RORA: variants seen among roughly 807,000 people sequenced by gnomAD.
RORA encodes RAR related orphan receptor A, also known as nuclear receptor ROR-alpha.
A neutral mutation model predicts 69.5 loss-of-function variants in RORA; 7 were observed. The ratio of observed to expected loss-of-function variants is 0.10; its 90% CI spans 0.06 to 0.19. The LOEUF (loss-of-function observed/expected upper bound fraction) is 0.19, where lower values mean the gene tolerates loss of function less well. RORA is among the 10% of genes least tolerant of loss of function. The pLI is 1.00. For synonymous variants in RORA, 261 were observed against 240.8 expected (o/e 1.08, Z -0.78); for missense variants, 457 against 663.0 (o/e 0.69, Z 3.41).
At chr15:60,967,339 A>G (rs917431604) in intron 1 of RORA, among the ~76,000 whole-genome samples, 6 of 152,138 alleles carry the variant, frequency 3.9e-5, no homozygotes, top group Non-Finnish European at 7.4e-5. Flanking sequence ...CATTACCCCT[A>G]CCCCCAAATA....
intron 1 of RORA, among the ~76,000 whole-genome samples, chr15:61,090,805 T>C (rs538246924): frequency 3.7e-4 from 57 of 152,262 alleles, no homozygotes; most frequent in Non-Finnish European, 5.7e-4. Context: ...GCCACACTCA[T>C]TGTGATCTGC....
chr15:60,676,122 C>A (rs562114755), intron 2 of RORA, among the ~76,000 whole-genome samples: 1 of 151,866 alleles, frequency 6.6e-6, no homozygotes. Context: ...TAAAAAAAAA[C>A]GTATAGGCAA....
chr15:60,762,216 T>C lies in RORA; in HGVS notation c.167-83530A>G, dbSNP rs549334392. Among the ~76,000 whole-genome samples the C allele has an allele frequency of 2.2e-4, 33 of 152,244 alleles. No individual in the cohort carries two copies. In the South Asian group the frequency reaches 6.2e-3, roughly 29 times the overall value. On this transcript the variant is annotated intron_variant, in intron 1 of 10. Transcript: ENST00000335670. ...ACAAAGAATGGAATTTCTAGGTGAG[T>C]CTTGTCAGATTTTCCAAAAGTACTA...
chr15:60,854,059 C>G (rs2073355230), intron 1 of RORA, among the ~76,000 whole-genome samples: 1 of 152,040 alleles, frequency 6.6e-6, no homozygotes, highest in Non-Finnish European at 1.5e-5. Flanking sequence ...GTGAAGAGAT[C>G]GAGACCATCC....
intron 1 of RORA, among the ~76,000 whole-genome samples, chr15:61,185,379 G>T (rs1015514494): frequency 5.4e-5 from 5 of 93,428 alleles, no homozygotes; most frequent in African/African-American, 6.5e-5. Flanking sequence ...AACCAGACTG[G>T]CAGGATCTCT....
Position 61,061,437 on chromosome 15 carries a change from C to T in RORA, c.166+167616G>A, listed in dbSNP as rs143608737. On this transcript the variant is annotated intron_variant, in intron 1 of 10. Coordinates refer to ENST00000335670, the MANE Select transcript of RORA (RefSeq NM_134261.3). The surrounding 1 kb of genome is among the most constrained non-coding windows in gnomAD (Gnocchi z 4.4). ...AGGAAGTCCTGATGTCAAGGTAATG[C>T]GGCCAGGCATATCTGTTGTTGCTGA... Among the ~76,000 whole-genome samples, 25 of 151,942 alleles carry T rather than the reference C, an allele frequency of 1.6e-4. No homozygotes were observed. The highest frequency in any genetic ancestry group is 3.1e-4 in the Non-Finnish European group (21 of 67,968).
At position 61,153,546 on chromosome 15, in the gene RORA, G is replaced by A. The variant is rs565016373; in HGVS notation, c.166+75507C>T. Among the ~76,000 whole-genome samples the A allele has an allele frequency of 3.9e-5, 6 of 152,312 alleles. No homozygotes were observed. The South Asian group carries it at 1.2e-3, about 32-fold the overall frequency. ...GAGAGACTCAGTGGGTCTGATGGCT[G>A]TTAACGGGCTTTATTACCTTGTTGA... On this transcript the variant is annotated intron_variant, in intron 1 of 10. Coordinates refer to ENST00000335670, the MANE Select transcript of RORA (RefSeq NM_134261.3).
chr15:61,061,396 A>ATACATACATAC lies in RORA; in HGVS notation c.166+167656_166+167657insGTATGTATGTA, dbSNP rs1555406931. Among the ~76,000 whole-genome samples the ATACATACATAC allele has an allele frequency of 4.4e-3, 659 of 150,048 alleles. 2 individuals carry two copies. Among genetic ancestry groups the ATACATACATAC allele is most frequent in the Non-Finnish European group, 6.4e-3 (435 of 67,708 alleles). On this transcript the variant is annotated intron_variant, in intron 1 of 10. Coordinates refer to ENST00000335670, the MANE Select transcript of RORA (RefSeq NM_134261.3). This position sits in a 1 kb window ranked among gnomAD's most constrained non-coding sequence, Gnocchi z 4.4. ...AAATAAATAAATAAATAAATAAATA[A>ATACATACATAC]ATACAAGGGCATCGCAGGAAGTCCT...
intron 1 of RORA, among the ~76,000 whole-genome samples, chr15:60,747,501 CA>C (rs1201067354): frequency 1.3e-5 from 2 of 152,158 alleles, no homozygotes; most frequent in African/African-American, 4.8e-5. Context: ...AGAATACATA[CA>C]AATATTTTTA....
At chr15:60,593,757 A>G (rs1019767003) in intron 2 of RORA, among the ~76,000 whole-genome samples, 2 of 152,212 alleles carry the variant, frequency 1.3e-5, no homozygotes, top group Non-Finnish European at 2.9e-5. Context: ...GTTGCCACGC[A>G]CAACTTAAAA....
intron 1 of RORA, among the ~76,000 whole-genome samples, chr15:61,107,315 T>C (rs1451712394): frequency 3.3e-5 from 5 of 152,230 alleles, no homozygotes; most frequent in Non-Finnish European, 7.3e-5. Context: ...TTAAAAATGA[T>C]AGGTGGCAGT....
intron 2 of RORA, among the ~76,000 whole-genome samples, chr15:60,578,472 A>G (rs1002897972): frequency 1.1e-4 from 16 of 152,204 alleles, no homozygotes; most frequent in African/African-American, 2.4e-4. Context: ...AACAGACTCA[A>G]AGTTCATTTT....
At chr15:60,726,114 C>T (rs2071353700) in intron 1 of RORA, among the ~76,000 whole-genome samples, 1 of 151,864 alleles carries the variant, frequency 6.6e-6, no homozygotes, top group East Asian at 1.9e-4. Context: ...ATAATTAAGG[C>T]CATATAGCTA....
chr15:61,128,216 T>G lies in RORA; in HGVS notation c.166+100837A>C, dbSNP rs2079159839. On this transcript the variant is annotated intron_variant, in intron 1 of 10. Transcript: ENST00000335670. The surrounding 1 kb of genome is among the most constrained non-coding windows in gnomAD (Gnocchi z 4.5). ...GTGTGTATGCACACGTGTGTGTGTGTGTGTGTGTCTGTGTGTGAGTGTGTT... is the reference window on the plus strand; with the variant it reads ...GTGTGTATGCACACGTGTGTGTGTGGGTGTGTGTCTGTGTGTGAGTGTGTT... 6.6e-6 allele frequency among the ~76,000 whole-genome samples: 1 copy of G among 151,878 alleles called. No homozygotes were observed. The highest frequency in any genetic ancestry group is 2.1e-4 in the South Asian group (1 of 4,776).
intron 2 of RORA, among the ~76,000 whole-genome samples, chr15:60,591,677 T>A (rs1287982554): frequency 1.3e-5 from 2 of 152,122 alleles, no homozygotes; most frequent in East Asian, 3.9e-4. Context: ...CCCACCTCCA[T>A]CCACCAGCCA....
chr15:61,110,391 C>G (rs1006449260), intron 1 of RORA, among the ~76,000 whole-genome samples: 7 of 138,600 alleles, frequency 5.1e-5, no homozygotes, highest in African/African-American at 1.6e-4. Flanking sequence ...GAGACTCAGT[C>G]TCAAAAAAAA....
chr15:61,190,788 C>A (rs2079791233), intron 1 of RORA, among the ~76,000 whole-genome samples: 1 of 152,130 alleles, frequency 6.6e-6, no homozygotes, highest in Non-Finnish European at 1.5e-5. Flanking sequence ...CAAAGGAGAA[C>A]TGACATATCA....
chr15:60,980,962 T>C (rs1392552481), intron 1 of RORA, among the ~76,000 whole-genome samples: 3 of 152,072 alleles, frequency 2.0e-5, no homozygotes, highest in Non-Finnish European at 4.4e-5. Context: ...TTTAGGTTAT[T>C]GAGTTCAGAT....
intron 3 of RORA, among the ~76,000 whole-genome samples, chr15:60,521,585 AGACTTT>A (rs1486419687): frequency 2.6e-5 from 4 of 152,262 alleles, no homozygotes; most frequent in Admixed American, 2.6e-4. Context: ...AGCTCCCCGA[AGACTTT>A]GACTTCCTTT....
Sources: allele counts gnomAD v4.1 joint callset (sites outside exome capture counted in the v4.1 genomes callset), GRCh38; gene constraint gnomAD v4.1.1; non-coding constraint Gnocchi (gnomAD v3.1); transcripts MANE v1.5; gene names NCBI Gene and HGNC (gene_info 2026-07-23, HGNC 2026-07-21).